Variants in FARP2 observed in about 807,000 individuals in gnomAD.
The protein encoded by FARP2 is FERM, ARHGEF and pleckstrin domain-containing protein 2.
A neutral mutation model predicts 130.5 loss-of-function variants in FARP2; 111 were observed. The ratio of observed to expected loss-of-function variants is 0.85; its 90% CI spans 0.73 to 1.00. FARP2 has a LOEUF of 1.00. FARP2 is among the 50% of genes least tolerant of loss of function. The probability of loss-of-function intolerance (pLI) is 0.00; values close to 1 mark genes in which losing one functional copy is unlikely to be tolerated. For synonymous variants in FARP2, 504 were observed against 516.9 expected (o/e 0.98, Z 0.34); for missense variants, 1,385 against 1,346.3 (o/e 1.03, Z -0.45).
chr2:241,363,786 C>T (rs997919958), intron 1 of FARP2, among the ~76,000 whole-genome samples: 2 of 152,206 alleles, frequency 1.3e-5, no homozygotes, highest in African/African-American at 2.4e-5. Flanking sequence ...AGTGCCTGCT[C>T]AACAAAATAC....
At chr2:241,441,893 A>G in intron 13 of FARP2, 1 of 399,032 alleles carries the variant, frequency 2.5e-6, no homozygotes, top group Non-Finnish European at 4.7e-6. Flanking sequence ...GTAGTCCCAC[A>G]GGAATCTCAG....
intron 2 of FARP2, among the ~76,000 whole-genome samples, chr2:241,379,428 C>G (rs1575475569): frequency 1.3e-5 from 2 of 152,182 alleles, no homozygotes; most frequent in Non-Finnish European, 2.9e-5. Flanking sequence ...CATTATTGTT[C>G]ATCTACTTTC....
intron 8 of FARP2, among the ~76,000 whole-genome samples, chr2:241,424,176 A>G (rs977237496): frequency 5.9e-5 from 9 of 152,216 alleles, no homozygotes; most frequent in African/African-American, 1.7e-4. Context: ...TCATCACCAC[A>G]TGGCACTTTG....
At position 241,491,154 on chromosome 2, in the gene FARP2, C is replaced by T; in HGVS notation, c.2598C>T (p.Gly866=). 1 of 1,612,970 alleles carries T rather than the reference C, an allele frequency of 6.2e-7. No homozygotes were observed. Among genetic ancestry groups the T allele is most frequent in the Non-Finnish European group, 8.5e-7 (1 of 1,179,674 alleles). The change falls in exon 23 of 27, where the codon GGC becomes GGT. Residue 866 remains glycine (G), a synonymous_variant. Coordinates refer to ENST00000264042, the MANE Select transcript of FARP2 (RefSeq NM_014808.4). ...SGGDTAPALP[G]RTVCTRPPRS... ...GTGACACGGCCCCTGCACTGCCAGG[C>T]CGCACTGTGTGCACTCGTCCCCCCA...
intron 18 of FARP2, 109 bp downstream of exon 18, chr2:241,468,486 A>T: frequency 1.3e-6 from 1 of 777,898 alleles, no homozygotes; most frequent in Non-Finnish European, 2.1e-6. Flanking sequence ...GCAGGAGTCC[A>T]CCCCATTAGG....
chr2:241,420,920 C>T (rs1243873666), intron 8 of FARP2, among the ~76,000 whole-genome samples: 3 of 152,160 alleles, frequency 2.0e-5, no homozygotes, highest in Non-Finnish European at 4.4e-5. Flanking sequence ...AGGTTCACAC[C>T]ACTCACGAAG....
intron 18 of FARP2, among the ~76,000 whole-genome samples, chr2:241,474,317 CAAAAAAAAAAAAA>C (rs56128645): frequency 2.8e-4 from 13 of 46,678 alleles, no homozygotes; most frequent in East Asian, 1.7e-3. Flanking sequence ...GATTCCGTCT[CAAAAAAAAAAAAA>C]AAAAAAAAAA....
intron 7 of FARP2, among the ~76,000 whole-genome samples, chr2:241,416,988 T>TA (rs1204358953): frequency 6.6e-6 from 1 of 151,948 alleles, no homozygotes; most frequent in Admixed American, 6.6e-5. Context: ...TTTCAGATAG[T>TA]AAAAAATATT....
chr2:241,407,664 C>A, intron 5 of FARP2, 49 bp downstream of exon 5: 2 of 1,353,756 alleles, frequency 1.5e-6, no homozygotes, highest in Non-Finnish European at 2.1e-6. Flanking sequence ...ATCTTGTATT[C>A]ACCTGTTATC....
intron 13 of FARP2, chr2:241,446,186 A>G (rs1367692116): frequency 6.6e-6 from 1 of 152,222 alleles, no homozygotes; most frequent in African/African-American, 2.4e-5. Context: ...AGCATATGCT[A>G]TGTAATTTTT....
At chr2:241,493,154 C>G in intron 25 of FARP2, 118 bp downstream of exon 25, 1 of 1,161,614 alleles carries the variant, frequency 8.6e-7, no homozygotes, top group South Asian at 1.3e-5. Context: ...CCCACACACC[C>G]TGTGCTGTGT....
rs573847646 is a variant in FARP2 at position 241,368,611 on chromosome 2, G to A, written c.-24-4473G>A. On this transcript the variant is annotated intron_variant, in intron 1 of 26. Transcript: ENST00000264042. ...GTTAACCGACAGTCACAACAATGGG[G>A]TTACCTGCCGGTATTCTATTAATGT... Among the ~76,000 whole-genome samples, 47 of 152,164 alleles carry A rather than the reference G, an allele frequency of 3.1e-4. 1 individual carries two copies. The highest frequency in any genetic ancestry group is 1.1e-3 in the African/African-American group (47 of 41,448).
Position 241,417,947 on chromosome 2 carries a change from C to T in FARP2, c.624-15C>T. 6.2e-7 allele frequency: 1 copy of T among 1,613,834 alleles called. No individual in the cohort carries two copies. Among genetic ancestry groups the T allele is most frequent in the South Asian group, 1.1e-5 (1 of 91,042 alleles). ...AAGTGTTTGTAGTGTATGATTCTAC[C>T]ATTTTTTATTACAGGGGCCAGACAC... On this transcript the variant is annotated splice_polypyrimidine_tract_variant and intron_variant, in intron 7 of 26. Transcript: ENST00000264042.
intron 1 of FARP2, among the ~76,000 whole-genome samples, chr2:241,372,331 C>G (rs2061442761): frequency 6.6e-6 from 1 of 152,110 alleles, no homozygotes; most frequent in Non-Finnish European, 1.5e-5. Flanking sequence ...TGCTACCAGG[C>G]ATGTGGTCCT....
At chr2:241,466,116 G>C (rs959850884) in intron 17 of FARP2, 2 of 1,077,650 alleles carry the variant, frequency 1.9e-6, no homozygotes, top group Non-Finnish European at 2.3e-6. Flanking sequence ...GCAGCCAAGA[G>C]CTCTGTCCAC....
At chr2:241,445,701 G>A (rs1024842769) in intron 13 of FARP2, 2 of 152,294 alleles carry the variant, frequency 1.3e-5, no homozygotes, top group Admixed American at 6.5e-5. Context: ...ACTCCTGGAA[G>A]TGTCTGGATA....
At position 241,366,440 on chromosome 2, in the gene FARP2, A is replaced by G. The variant is rs144191776; in HGVS notation, c.-24-6644A>G. The stretch of plus-strand genomic sequence containing the variant: ...TAAAATACACTCTAAAGGAAATAAT[A>G]CATCCGTTTAGTGTTCAGGCAATTA... On this transcript the variant is annotated intron_variant, in intron 1 of 26. Coordinates refer to ENST00000264042, the MANE Select transcript of FARP2 (RefSeq NM_014808.4). Among the ~76,000 whole-genome samples the G allele has an allele frequency of 4.0e-3, 604 of 152,078 alleles. 6 individuals carry two copies. The highest frequency in any genetic ancestry group is 0.014 in the African/African-American group (571 of 41,396).
At chr2:241,416,824 G>C (rs73004354) in intron 7 of FARP2, among the ~76,000 whole-genome samples, 1 of 152,048 alleles carries the variant, frequency 6.6e-6, no homozygotes, top group Non-Finnish European at 1.5e-5. Flanking sequence ...CGAAAGGATC[G>C]CTTGAGCCTG....
intron 13 of FARP2, chr2:241,442,313 T>C: frequency 2.2e-6 from 1 of 456,708 alleles, no homozygotes; most frequent in Non-Finnish European, 4.4e-6. Context: ...TCTGACATCA[T>C]CGACCAGTTA....
Sources: allele counts gnomAD v4.1 joint callset (sites outside exome capture counted in the v4.1 genomes callset), GRCh38; gene constraint gnomAD v4.1.1; transcripts MANE v1.5; gene names NCBI Gene and HGNC (gene_info 2026-07-23, HGNC 2026-07-21).